Variants in NCKAP5 observed in about 807,000 individuals in gnomAD.
NCKAP5 encodes the protein nck-associated protein 5.
Under a neutral mutation model 167.0 loss-of-function variants are expected in NCKAP5, and 92 were observed. The observed-to-expected ratio is 0.55, with a 90% CI of 0.47 to 0.66. The LOEUF (loss-of-function observed/expected upper bound fraction) is 0.66, where lower values mean the gene tolerates loss of function less well. Ranked by LOEUF, NCKAP5 falls within the 30% of genes least tolerant of loss-of-function variation. The pLI, the probability that NCKAP5 is intolerant of heterozygous loss-of-function variation, is 0.00. For synonymous variants in NCKAP5, 891 were observed against 877.4 expected, an observed-to-expected ratio of 1.02 and a Z score of -0.27; for missense variants, 2,378 against 2,315.0, an observed-to-expected ratio of 1.03 and a Z score of -0.56.
At chr2:133,122,819 G>A (rs1475111993) in intron 6 of NCKAP5, 3 of 152,124 alleles carry the variant, frequency 2.0e-5, no homozygotes, top group Non-Finnish European at 4.4e-5. Flanking sequence ...AGAAGGCCTG[G>A]TTACAAATGT....
intron 11 of NCKAP5, among the ~76,000 whole-genome samples, chr2:132,830,517 C>T (rs562168487): frequency 6.6e-6 from 1 of 152,064 alleles, no homozygotes; most frequent in Non-Finnish European, 1.5e-5. Context: ...GCTCCGTGAC[C>T]ACCAGCAGAA....
chr2:133,174,925 AAT>A (rs1360702202), intron 5 of NCKAP5, among the ~76,000 whole-genome samples: 4 of 152,164 alleles, frequency 2.6e-5, no homozygotes, highest in African/African-American at 9.7e-5. Flanking sequence ...AGATGTAGGT[AAT>A]CTTGTTAGAT....
chr2:133,558,476 G>A (rs1228394844), intron 2 of NCKAP5, among the ~76,000 whole-genome samples: 1 of 151,836 alleles, frequency 6.6e-6, no homozygotes, highest in Admixed American at 6.6e-5. Context: ...GAGGAAGGGA[G>A]CAGCCAGGGA....
At chr2:133,250,409 G>A (rs1164595322) in intron 4 of NCKAP5, among the ~76,000 whole-genome samples, 1 of 152,126 alleles carries the variant, frequency 6.6e-6, no homozygotes, top group African/African-American at 2.4e-5. Flanking sequence ...GGGCATGTAA[G>A]ACAGCATGCA....
intron 9 of NCKAP5, among the ~76,000 whole-genome samples, chr2:132,869,738 T>C (rs759680066): frequency 2.6e-5 from 4 of 152,294 alleles, no homozygotes; most frequent in Middle Eastern, 6.8e-3. Flanking sequence ...ACCCTTCGTC[T>C]TCCTGACTAG....
At position 133,178,504 on chromosome 2, in the gene NCKAP5, C is replaced by CAAAAAAAAAA. The variant is rs869253241; in HGVS notation, c.207+35202_207+35211dup. Among the ~76,000 whole-genome samples the CAAAAAAAAAA allele has an allele frequency of 2.1e-4, 5 of 23,952 alleles. 1 individual carries two copies. Among genetic ancestry groups the CAAAAAAAAAA allele is most frequent in the African/African-American group, 1.1e-3 (4 of 3,760 alleles). 15.7% of individuals were successfully genotyped at this position (23,952 alleles called of 152,430 possible). A position where few individuals can be genotyped will look rare whatever the true frequency, so the allele number is the denominator to read the frequency against. On this transcript the variant is annotated intron_variant, in intron 5 of 19. Transcript: ENST00000409261. Reference sequence around the variant, plus strand: ...TGGGTGACACAATGAGACCCTGTCTCAAAAAAAAAAAAAAAAAAAAAAAAA... The same window carrying CAAAAAAAAAA: ...TGGGTGACACAATGAGACCCTGTCTCAAAAAAAAAAAAAAAAAAAAAAAAAAAAAAAAAAA...
the NCKAP5 span, among the ~76,000 whole-genome samples, chr2:133,669,107 A>G: frequency 2.6e-5 from 4 of 152,212 alleles, no homozygotes; most frequent in African/African-American, 9.6e-5. Flanking sequence ...TGGTAATAGT[A>G]GTGACCTAGT....
At chr2:132,820,349 C>T (rs998554419) in intron 11 of NCKAP5, among the ~76,000 whole-genome samples, 9 of 151,906 alleles carry the variant, frequency 5.9e-5, no homozygotes, top group African/African-American at 1.9e-4. Flanking sequence ...CCTGCCTCAG[C>T]CACCCGAGTA....
intron 19 of NCKAP5, among the ~76,000 whole-genome samples, chr2:132,715,586 A>G (rs1010067050): frequency 1.3e-5 from 2 of 152,192 alleles, no homozygotes; most frequent in African/African-American, 4.8e-5. Flanking sequence ...CTCAGGGCAC[A>G]TGTTCTCTAA....
intron 6 of NCKAP5, among the ~76,000 whole-genome samples, chr2:133,090,231 A>T (rs189646222): frequency 6.6e-6 from 1 of 151,890 alleles, no homozygotes; most frequent in East Asian, 1.9e-4. Flanking sequence ...AAAAAAAAGA[A>T]AAGTCTAACC....
chr2:132,868,305 A>T lies in NCKAP5; in HGVS notation c.687+631T>A, dbSNP rs189156238. 3.3e-4 allele frequency among the ~76,000 whole-genome samples: 50 copies of T among 152,304 alleles called. 1 individual carries two copies. In the East Asian group the frequency reaches 8.9e-3, roughly 27 times the overall value. ...AAATAGCCAAATTTGGGCAAAATTGACCTGCATTTACTGTCTGCCCCAATA... is the reference window on the plus strand; with the variant it reads ...AAATAGCCAAATTTGGGCAAAATTGTCCTGCATTTACTGTCTGCCCCAATA... On this transcript the variant is annotated intron_variant, in intron 10 of 19. Transcript: ENST00000409261.
intron 11 of NCKAP5, among the ~76,000 whole-genome samples, chr2:132,797,901 T>C (rs779288427): frequency 2.0e-5 from 3 of 152,194 alleles, no homozygotes; most frequent in Non-Finnish European, 2.9e-5. Flanking sequence ...TAGGTGATTA[T>C]TCAACAAACA....
rs533305959 is a variant in NCKAP5, at chr2:132,801,434, C to T, written c.808-4705G>A. ...TATGTCATATGTGTACATAGGTGCA[C>T]ACACATGTTCATATATACGGGTATT... On this transcript the variant is annotated intron_variant, in intron 11 of 19. Coordinates refer to ENST00000409261, the MANE Select transcript of NCKAP5 (RefSeq NM_207363.3). 1.4e-3 allele frequency among the ~76,000 whole-genome samples: 213 copies of T among 152,202 alleles called. 1 individual carries two copies. The highest frequency in any genetic ancestry group is 4.9e-3 in the African/African-American group (202 of 41,512).
At chr2:133,445,773 G>C (rs1691153851) in intron 3 of NCKAP5, among the ~76,000 whole-genome samples, 1 of 152,188 alleles carries the variant, frequency 6.6e-6, no homozygotes, top group African/African-American at 2.4e-5. Context: ...CAGAGGCACA[G>C]AGGGGAAGGG....
At chr2:133,143,957 T>C (rs1474523762) in intron 5 of NCKAP5, among the ~76,000 whole-genome samples, 1 of 152,110 alleles carries the variant, frequency 6.6e-6, no homozygotes, top group Non-Finnish European at 1.5e-5. Context: ...CCTGGTCTAG[T>C]AAACTTTCAT....
chr2:133,198,195 A>G (rs1343441114), intron 5 of NCKAP5, among the ~76,000 whole-genome samples: 2 of 152,178 alleles, frequency 1.3e-5, no homozygotes, highest in African/African-American at 4.8e-5. Context: ...TATAGCATTT[A>G]TATCAACAGC....
intron 5 of NCKAP5, among the ~76,000 whole-genome samples, chr2:133,148,355 G>A (rs1357606561): frequency 6.6e-6 from 1 of 152,100 alleles, no homozygotes; most frequent in Admixed American, 6.6e-5. Flanking sequence ...TTCCTTTAGT[G>A]CCTTTAAAGA....
intron 6 of NCKAP5, among the ~76,000 whole-genome samples, chr2:133,107,897 T>C (rs2081767535): frequency 6.6e-6 from 1 of 152,194 alleles, no homozygotes; most frequent in Admixed American, 6.5e-5. Flanking sequence ...CCCTAGGCAA[T>C]AATAAGATTT....
At chr2:132,732,332 G>C (rs544521293) in intron 16 of NCKAP5, among the ~76,000 whole-genome samples, 1 of 151,998 alleles carries the variant, frequency 6.6e-6, no homozygotes, top group South Asian at 2.1e-4. Context: ...TATACCTAAT[G>C]TAAATGTCAA....
Sources: gnomAD v4.1 joint callset for allele counts (sites outside exome capture counted in the v4.1 genomes callset) on GRCh38, gnomAD v4.1.1 for gene constraint, MANE v1.5 for transcripts, NCBI Gene and HGNC (gene_info 2026-07-23, HGNC 2026-07-21) for gene names.